The following YPEL2 variants were observed in gnomAD, a reference collection of about 807,000 sequenced individuals.
The protein encoded by YPEL2 is protein yippee-like 2.
Under a neutral mutation model 19.1 loss-of-function variants are expected in YPEL2, and 2 were observed. The observed-to-expected ratio is 0.10, with a 90% confidence interval of 0.04 to 0.33. YPEL2 has a LOEUF of 0.33. YPEL2 is among the 10% of genes least tolerant of loss of function. The pLI is 1.00. For synonymous variants in YPEL2, 52 were observed against 50.0 expected (o/e 1.04, Z -0.17); for missense variants, 66 against 140.7 (o/e 0.47, Z 2.68).
intron 1 of YPEL2, among the ~76,000 whole-genome samples, chr17:59,340,581 A>G (rs571347938): frequency 6.6e-6 from 1 of 151,384 alleles, no homozygotes; most frequent in Admixed American, 6.6e-5. Context: ...TCGCTCGGCT[A>G]ATTTTTTATA....
intron 1 of YPEL2, among the ~76,000 whole-genome samples, chr17:59,342,290 A>G (rs1056038253): frequency 2.0e-5 from 3 of 152,248 alleles, no homozygotes; most frequent in African/African-American, 7.2e-5. Flanking sequence ...CAACACATTC[A>G]TGTATTCAGC....
chr17:59,369,350 T>A (rs2047885690), intron 2 of YPEL2, among the ~76,000 whole-genome samples: 1 of 152,220 alleles, frequency 6.6e-6, no homozygotes, highest in Admixed American at 6.5e-5. Flanking sequence ...TTCCCAAATC[T>A]GACAGTACAT....
intron 1 of YPEL2, among the ~76,000 whole-genome samples, chr17:59,338,430 A>C (rs1455150661): frequency 1.3e-5 from 2 of 152,238 alleles, no homozygotes; most frequent in Non-Finnish European, 2.9e-5. Flanking sequence ...CATTCTGTTC[A>C]GGAGTACCTG....
chr17:59,368,091 C>CT (rs561752545), intron 2 of YPEL2, among the ~76,000 whole-genome samples: 257 of 149,178 alleles, frequency 1.7e-3, no homozygotes, highest in South Asian at 6.4e-3. Context: ...ATGAAATTCT[C>CT]TTTTTTTTTT....
chr17:59,371,571 C>T (rs1049218334), intron 2 of YPEL2, among the ~76,000 whole-genome samples: 2 of 152,206 alleles, frequency 1.3e-5, no homozygotes, highest in African/African-American at 4.8e-5. Flanking sequence ...GCAGAGTCTG[C>T]CCTGGCTGTG....
rs1421113236 is a variant in YPEL2, at chr17:59,360,784, A to G, written c.117+7258A>G. On this transcript the variant is annotated intron_variant, in intron 2 of 4. Coordinates refer to ENST00000312655, the MANE Select transcript of YPEL2 (RefSeq NM_001005404.4). ...TATGGTACCTTTCCTCCATAGGGGCAGAGATTGAACCCGTTCAGGATGAAA... is the reference window on the plus strand; with the variant it reads ...TATGGTACCTTTCCTCCATAGGGGCGGAGATTGAACCCGTTCAGGATGAAA... 7.9e-5 allele frequency among the ~76,000 whole-genome samples: 12 copies of G among 152,186 alleles called. 1 individual carries two copies. The highest frequency in any genetic ancestry group is 1.8e-4 in the Non-Finnish European group (12 of 68,036).
At chr17:59,396,146 C>G (rs539539662) in intron 4 of YPEL2, among the ~76,000 whole-genome samples, 1 of 152,300 alleles carries the variant, frequency 6.6e-6, no homozygotes, top group South Asian at 2.1e-4. Context: ...AGGAATGACA[C>G]AGAAACTTTA....
intron 4 of YPEL2, among the ~76,000 whole-genome samples, 199 bp downstream of exon 4, chr17:59,389,667 CT>C (rs976918649): frequency 5.9e-5 from 9 of 151,974 alleles, no homozygotes; most frequent in Non-Finnish European, 8.8e-5. Context: ...CACCTACCCC[CT>C]GAGACACACA....
At chr17:59,373,640 A>C (rs2047907274) in intron 2 of YPEL2, among the ~76,000 whole-genome samples, 1 of 152,212 alleles carries the variant, frequency 6.6e-6, no homozygotes, top group Non-Finnish European at 1.5e-5. Flanking sequence ...TCATGGAGAC[A>C]CAATATTTCT....
intron 1 of YPEL2, among the ~76,000 whole-genome samples, chr17:59,352,322 T>G (rs549068620): frequency 1.1e-4 from 17 of 152,230 alleles, no homozygotes; most frequent in African/African-American, 4.1e-4. Flanking sequence ...CTCGTGGCCC[T>G]GCCCTCAGAC....
intron 2 of YPEL2, 91 bp from the exon 3 acceptor site, chr17:59,388,236 G>C (rs2047990729): frequency 7.9e-7 from 1 of 1,260,552 alleles, no homozygotes; most frequent in African/African-American, 1.5e-5. Flanking sequence ...GTCAGTCCTG[G>C]AAGGTCATGC....
At chr17:59,336,951 C>T (rs536829354) in intron 1 of YPEL2, among the ~76,000 whole-genome samples, 13 of 152,202 alleles carry the variant, frequency 8.5e-5, no homozygotes, top group African/African-American at 3.1e-4. Context: ...GCTCCTGTGG[C>T]GATTCTTGGT....
Position 59,353,419 on chromosome 17 carries a change from A to T in YPEL2, c.10A>T (p.Met4Leu). Residue 4 changes from methionine to leucine, a missense_variant, in exon 2 of 5, where the codon ATG (methionine) becomes TTG (leucine). Physicochemically the swap from Met to Leu is conservative, Grantham distance 15. Coordinates refer to ENST00000312655, the MANE Select transcript of YPEL2 (RefSeq NM_001005404.4). This position sits in a 1 kb window ranked among gnomAD's most constrained non-coding sequence, Gnocchi z 4.8. ...ACACTCAGCAGCACCAATGGTGAAGATGACAAGATCGAAGACTTTCCAGGC... is the reference window on the plus strand; with the variant it reads ...ACACTCAGCAGCACCAATGGTGAAGTTGACAAGATCGAAGACTTTCCAGGC... The part of the protein sequence containing the change: MVK[M>L]TRSKTFQAYL... 3 of 1,589,002 alleles carry T rather than the reference A, an allele frequency of 1.9e-6. No homozygotes were observed. Among genetic ancestry groups the T allele is most frequent in the Middle Eastern group, 1.7e-4 (1 of 5,926 alleles).
intron 1 of YPEL2, among the ~76,000 whole-genome samples, chr17:59,351,825 G>C (rs2047789014): frequency 6.6e-6 from 1 of 152,198 alleles, no homozygotes; most frequent in African/African-American, 2.4e-5. Context: ...CCTTGGCTCA[G>C]GGCTGCAGAA....
At chr17:59,340,928 T>C (rs929446663) in intron 1 of YPEL2, among the ~76,000 whole-genome samples, 3 of 142,206 alleles carry the variant, frequency 2.1e-5, no homozygotes, top group African/African-American at 7.8e-5. Context: ...TTGGCCAGGC[T>C]GGTCTGGAAC....
In YPEL2 at chr17:59,397,983, G is replaced by C. The variant is rs1345460055; in HGVS notation, c.*793G>C. ...ATAAGGTGTGAAGGGACTGCTGTTT[G>C]CAATGGGCTTACCATCCAAATATCC... On this transcript the variant is annotated 3_prime_UTR_variant, in exon 5 of 5. Coordinates refer to ENST00000312655, the MANE Select transcript of YPEL2 (RefSeq NM_001005404.4). The C allele has an allele frequency of 6.6e-6, 1 of 152,282 alleles. No homozygotes were observed. The highest frequency in any genetic ancestry group is 1.5e-5 in the Non-Finnish European group (1 of 68,102). The allele number at this position is 152,282 out of a possible 1,614,324, so 9.4% of individuals were successfully genotyped here. A position where few individuals can be genotyped will look rare whatever the true frequency, so the allele number is the denominator to read the frequency against.
At chr17:59,355,056 G>A (rs761568476) in intron 2 of YPEL2, 6 of 151,284 alleles carry the variant, frequency 4.0e-5, no homozygotes, top group Non-Finnish European at 7.4e-5. Context: ...TTTTTTTAAT[G>A]CAAGGAAGCA....
At chr17:59,343,372 G>C (rs571869422) in intron 1 of YPEL2, among the ~76,000 whole-genome samples, 1 of 152,134 alleles carries the variant, frequency 6.6e-6, no homozygotes, top group Non-Finnish European at 1.5e-5. Context: ...GGTGGGGTTG[G>C]GGGGATCTGG....
At chr17:59,359,712 G>C (rs1351487271) in intron 2 of YPEL2, among the ~76,000 whole-genome samples, 2 of 152,162 alleles carry the variant, frequency 1.3e-5, no homozygotes, top group Non-Finnish European at 2.9e-5. Flanking sequence ...GTTTTAAGAG[G>C]AGGGAAAAAT....
Sources: allele counts gnomAD v4.1 joint callset (sites outside exome capture counted in the v4.1 genomes callset), GRCh38; gene constraint gnomAD v4.1.1; non-coding constraint Gnocchi (gnomAD v3.1); transcripts MANE v1.5; gene names NCBI Gene and HGNC (gene_info 2026-07-23, HGNC 2026-07-21).